CSMD1: variants seen among roughly 807,000 people sequenced by gnomAD.
The protein encoded by CSMD1 is CUB and Sushi multiple domains 1.
Under a neutral mutation model 417.5 loss-of-function variants are expected in CSMD1, and 213 were observed. The ratio of observed to expected loss-of-function variants is 0.51; its 90% CI spans 0.46 to 0.57. The LOEUF is 0.57. CSMD1 is among the 20% of genes least tolerant of loss of function. The probability of loss-of-function intolerance (pLI) is 0.00; values close to 1 mark genes in which losing one functional copy is unlikely to be tolerated. For missense variants in CSMD1, 6,923 were observed against 4,529.7 expected (o/e 1.53, Z -15.17); for synonymous variants, 2,862 against 1,736.8 (o/e 1.65, Z -16.11).
chr8:4,849,617 T>A (rs1801348540), intron 1 of CSMD1, among the ~76,000 whole-genome samples: 1 of 152,274 alleles, frequency 6.6e-6, no homozygotes, highest in East Asian at 1.9e-4. Flanking sequence ...CTTTTCTATT[T>A]TTAAAAATGC....
Position 4,136,397 on chromosome 8 carries a change from G to C in CSMD1, c.416-104298C>G, listed in dbSNP as rs149720955. Among the ~76,000 whole-genome samples, 821 of 152,226 alleles carry C rather than the reference G, an allele frequency of 5.4e-3. 8 individuals are homozygous for C. Among genetic ancestry groups the C allele is most frequent in the African/African-American group, 0.019 (779 of 41,524 alleles). On this transcript the variant is annotated intron_variant, in intron 3 of 69. Transcript: ENST00000635120. ...TGCCTGCCTGCAACTTGACTGGAGG[G>C]TCCCTTGAAATAAATAACATAAAAC... is the stretch of plus-strand genomic sequence containing the variant.
intron 1 of CSMD1, among the ~76,000 whole-genome samples, chr8:4,788,806 T>G (rs546991118): frequency 6.4e-4 from 97 of 152,244 alleles, no homozygotes; most frequent in African/African-American, 2.3e-3. Flanking sequence ...ACATGACATC[T>G]GCTTTTGAAA....
At chr8:4,863,475 A>C (rs943668376) in intron 1 of CSMD1, among the ~76,000 whole-genome samples, 2 of 152,204 alleles carry the variant, frequency 1.3e-5, no homozygotes, top group East Asian at 3.9e-4. Context: ...AATTTTATAC[A>C]TATTCTAGTA....
At chr8:4,120,894 T>C (rs1477918852) in intron 3 of CSMD1, among the ~76,000 whole-genome samples, 2 of 152,194 alleles carry the variant, frequency 1.3e-5, no homozygotes, top group Non-Finnish European at 2.9e-5. Flanking sequence ...TTATACACCA[T>C]GGAATTTATT....
At chr8:3,409,673 T>G (rs1219044148) in intron 12 of CSMD1, 68 bp from the exon 13 acceptor site, 1 of 1,281,596 alleles carries the variant, frequency 7.8e-7, no homozygotes, top group East Asian at 2.6e-5. Flanking sequence ...CTCTACAACT[T>G]AGAAAGTAAA....
At chr8:3,644,232 T>G (rs932040274) in intron 7 of CSMD1, among the ~76,000 whole-genome samples, 2 of 152,144 alleles carry the variant, frequency 1.3e-5, no homozygotes, top group Non-Finnish European at 1.5e-5. Context: ...ACTCCCCAGG[T>G]CGTTGAGGTG....
chr8:3,009,216 C>T (rs1808197352), intron 52 of CSMD1, among the ~76,000 whole-genome samples: 1 of 152,210 alleles, frequency 6.6e-6, no homozygotes, highest in African/African-American at 2.4e-5. Flanking sequence ...AAGCTCACGT[C>T]TTCAGTGTGC....
intron 1 of CSMD1, among the ~76,000 whole-genome samples, chr8:4,866,452 C>T (rs1357962932): frequency 6.6e-6 from 1 of 151,868 alleles, no homozygotes; most frequent in African/African-American, 2.4e-5. Flanking sequence ...GTTCTATTCT[C>T]TTTTGTTTTT....
In CSMD1 at chr8:3,290,843, C is replaced by A. The variant is rs534830197; in HGVS notation, c.3951-6497G>T. On this transcript the variant is annotated intron_variant, in intron 25 of 69. Coordinates refer to ENST00000635120, the MANE Select transcript of CSMD1 (RefSeq NM_033225.6). ...TCTTTCTCGTGCCTAATTGCCCTGG[C>A]CGGAACTTCCAACACTATATTGAAT... 6.0e-5 allele frequency among the ~76,000 whole-genome samples: 9 copies of A among 150,892 alleles called. No homozygotes were observed. In the East Asian group the frequency reaches 1.2e-3, roughly 20 times the overall value.
intron 3 of CSMD1, among the ~76,000 whole-genome samples, chr8:4,332,927 T>A (rs1211438996): frequency 6.8e-6 from 1 of 146,620 alleles, no homozygotes; most frequent in Non-Finnish European, 1.5e-5. Context: ...CTATCACATT[T>A]TTTTCTTATA....
At chr8:3,453,289 G>C (rs1167320943) in intron 12 of CSMD1, among the ~76,000 whole-genome samples, 1 of 151,884 alleles carries the variant, frequency 6.6e-6, no homozygotes, top group Non-Finnish European at 1.5e-5. Flanking sequence ...TTTTTTGAAG[G>C]GTTTTTTGTG....
intron 3 of CSMD1, among the ~76,000 whole-genome samples, chr8:4,089,887 G>A (rs7003254): frequency 0.29 from 44,663 of 152,020 alleles, 7,673 homozygotes; most frequent in African/African-American, 0.47. Flanking sequence ...CTGCAGAGCT[G>A]TGGGGTCAGG....
chr8:3,026,366 CT>C (rs1809922457), intron 51 of CSMD1, among the ~76,000 whole-genome samples: 1 of 152,026 alleles, frequency 6.6e-6, no homozygotes, highest in Non-Finnish European at 1.5e-5. Flanking sequence ...CCCACTGGGC[CT>C]CACTGGACCT....
Position 4,911,413 on chromosome 8 carries a change from G to A in CSMD1, c.85+82919C>T, listed in dbSNP as rs558143694. Among the ~76,000 whole-genome samples, 35 of 152,290 alleles carry A rather than the reference G, an allele frequency of 2.3e-4. No individual in the cohort carries two copies. In the East Asian group the frequency reaches 6.6e-3, roughly 29 times the overall value. Reference sequence around the variant, plus strand: ...TCTAGATTTGTTAGGTAATTCCCTTGACCTCTGACACAGCATATTTTTCCA... The same window carrying A: ...TCTAGATTTGTTAGGTAATTCCCTTAACCTCTGACACAGCATATTTTTCCA... On this transcript the variant is annotated intron_variant, in intron 1 of 69. Coordinates refer to ENST00000635120, the MANE Select transcript of CSMD1 (RefSeq NM_033225.6).
At chr8:3,432,132 G>A (rs1375250840) in intron 12 of CSMD1, among the ~76,000 whole-genome samples, 5 of 152,156 alleles carry the variant, frequency 3.3e-5, no homozygotes, top group South Asian at 2.1e-4. Flanking sequence ...TTACCAGAAA[G>A]ATGACTCAGT....
At chr8:3,616,855 T>C in intron 7 of CSMD1, 58 bp from the exon 8 acceptor site, 2 of 1,234,304 alleles carry the variant, frequency 1.6e-6, no homozygotes, top group Non-Finnish European at 2.3e-6. Flanking sequence ...AATACCCAGA[T>C]AAAAAATTTA....
At chr8:3,152,054 G>C (rs1819229548) in intron 39 of CSMD1, among the ~76,000 whole-genome samples, 1 of 152,204 alleles carries the variant, frequency 6.6e-6, no homozygotes, top group Admixed American at 6.5e-5. Flanking sequence ...GGTCATTCCA[G>C]CTGCGTCTGG....
chr8:4,595,206 C>T (rs187583206), intron 2 of CSMD1, among the ~76,000 whole-genome samples: 150 of 151,712 alleles, frequency 9.9e-4, no homozygotes, highest in African/African-American at 3.4e-3. Flanking sequence ...AATGTAGACA[C>T]GTAGGAACAG....
chr8:4,378,499 T>A (rs1357004420), intron 3 of CSMD1, among the ~76,000 whole-genome samples: 1 of 152,212 alleles, frequency 6.6e-6, no homozygotes, highest in African/African-American at 2.4e-5. Flanking sequence ...TATCTCTCTC[T>A]CTCTCTTTCT....
Sources: gnomAD v4.1 joint callset for allele counts (sites outside exome capture counted in the v4.1 genomes callset) on GRCh38, gnomAD v4.1.1 for gene constraint, MANE v1.5 for transcripts, NCBI Gene and HGNC (gene_info 2026-07-23, HGNC 2026-07-21) for gene names.